Variants in NCOA1 observed in about 807,000 individuals in gnomAD.
NCOA1 encodes nuclear receptor coactivator 1.
NCOA1 carries 35 observed loss-of-function variants against 150.9 expected under a neutral mutation model. The observed-to-expected ratio is 0.23, with a 90% CI of 0.18 to 0.31. The LOEUF is 0.31. Among genes scored for constraint, NCOA1 ranks in the 10% least tolerant of loss-of-function variants. The pLI is 1.00. For missense variants in NCOA1, 1,491 were observed against 1,749.3 expected (o/e 0.85, Z 2.63); for synonymous variants, 590 against 630.0 (o/e 0.94, Z 0.95).
At chr2:24,504,856 T>C (rs1412088566) in intron 1 of NCOA1, among the ~76,000 whole-genome samples, 1 of 152,230 alleles carries the variant, frequency 6.6e-6, no homozygotes. Context: ...TAGATACTTT[T>C]GGAGACTTTT....
intron 1 of NCOA1, among the ~76,000 whole-genome samples, chr2:24,496,408 T>C (rs1256215375): frequency 3.3e-5 from 5 of 152,252 alleles, no homozygotes; most frequent in East Asian, 1.9e-4. Context: ...ATCATAGATA[T>C]CTTGCGTCTT....
At chr2:24,532,968 G>GT (rs1203715277) in intron 1 of NCOA1, among the ~76,000 whole-genome samples, 2 of 152,146 alleles carry the variant, frequency 1.3e-5, no homozygotes, top group African/African-American at 2.4e-5. Context: ...CTTCAAAGTA[G>GT]TTTTTTCCAA....
intron 2 of NCOA1, among the ~76,000 whole-genome samples, chr2:24,583,879 A>G (rs1667297069): frequency 6.6e-6 from 1 of 152,192 alleles, no homozygotes; most frequent in East Asian, 1.9e-4. Context: ...ATTGTGGTTA[A>G]TAAAGGCAGG....
intron 2 of NCOA1, among the ~76,000 whole-genome samples, chr2:24,578,090 G>T (rs1293135246): frequency 6.6e-6 from 1 of 151,796 alleles, no homozygotes; most frequent in East Asian, 1.9e-4. Flanking sequence ...AATTTTTTTG[G>T]ATTTTATTTC....
intron 1 of NCOA1, among the ~76,000 whole-genome samples, chr2:24,563,905 GTTC>G (rs1472996033): frequency 6.6e-6 from 1 of 152,154 alleles, no homozygotes; most frequent in Non-Finnish European, 1.5e-5. Flanking sequence ...TTATTACAGA[GTTC>G]TTCTGCTAGG....
intron 21 of NCOA1, among the ~76,000 whole-genome samples, chr2:24,759,733 GTATAT>G (rs975048025): frequency 5.9e-5 from 9 of 151,908 alleles, no homozygotes; most frequent in Non-Finnish European, 1.2e-4. Flanking sequence ...GTATAGAGGT[GTATAT>G]TATATCACCT....
At chr2:24,558,870 A>C (rs1434030363) in intron 1 of NCOA1, among the ~76,000 whole-genome samples, 3 of 152,106 alleles carry the variant, frequency 2.0e-5, no homozygotes, top group Non-Finnish European at 4.4e-5. Flanking sequence ...GGGTAATGCC[A>C]GGGCTTGATC....
At chr2:24,523,247 C>G (rs946043343) in intron 1 of NCOA1, among the ~76,000 whole-genome samples, 2 of 152,086 alleles carry the variant, frequency 1.3e-5, no homozygotes, top group Non-Finnish European at 2.9e-5. Context: ...TTTTTAAAAA[C>G]TGCTAAATAG....
chr2:24,614,585 C>G (rs1396302976), intron 3 of NCOA1, among the ~76,000 whole-genome samples: 1 of 151,870 alleles, frequency 6.6e-6, no homozygotes, highest in Non-Finnish European at 1.5e-5. Context: ...GATCTCTAGC[C>G]CAGCATATTC....
intron 1 of NCOA1, among the ~76,000 whole-genome samples, chr2:24,536,980 G>A (rs142646828): frequency 1.3e-5 from 2 of 152,158 alleles, no homozygotes; most frequent in African/African-American, 4.8e-5. Context: ...AGGGGAGGTT[G>A]GGAGAGGGGG....
intron 3 of NCOA1, among the ~76,000 whole-genome samples, chr2:24,597,124 A>G (rs986333816): frequency 2.0e-5 from 3 of 151,716 alleles, no homozygotes; most frequent in African/African-American, 4.9e-5. Context: ...TGTTTTACCT[A>G]TGGGAAGTGG....
At chr2:24,529,906 ATT>A (rs1316066221) in intron 1 of NCOA1, among the ~76,000 whole-genome samples, 1 of 152,198 alleles carries the variant, frequency 6.6e-6, no homozygotes, top group Non-Finnish European at 1.5e-5. Flanking sequence ...AAATATAGAC[ATT>A]CTTTACTTTT....
At chr2:24,554,152 T>G (rs755794600) in intron 1 of NCOA1, among the ~76,000 whole-genome samples, 7 of 152,190 alleles carry the variant, frequency 4.6e-5, no homozygotes, top group South Asian at 2.1e-4. Flanking sequence ...GAATTAGATT[T>G]GTGTTTCATA....
intron 13 of NCOA1, among the ~76,000 whole-genome samples, chr2:24,709,313 A>G (rs1673617427): frequency 1.3e-5 from 2 of 152,138 alleles, no homozygotes; most frequent in South Asian, 4.1e-4. Flanking sequence ...AGATAATGCC[A>G]GTTTTCCTAG....
intron 2 of NCOA1, among the ~76,000 whole-genome samples, chr2:24,570,720 A>G (rs968374717): frequency 5.3e-5 from 8 of 152,174 alleles, no homozygotes; most frequent in African/African-American, 1.9e-4. Flanking sequence ...CCCGAATGTG[A>G]TCAAGTCTCT....
chr2:24,644,478 T>C (rs1670371463), intron 4 of NCOA1, among the ~76,000 whole-genome samples: 1 of 152,166 alleles, frequency 6.6e-6, no homozygotes, highest in African/African-American at 2.4e-5. Context: ...ACATAATATA[T>C]ACCTATATAA....
Position 24,621,503 on chromosome 2 carries a change from C to T in NCOA1, c.-174-22463C>T, listed in dbSNP as rs768733966. On this transcript the variant is annotated intron_variant, in intron 3 of 22. Transcript: ENST00000348332. ...CCGTCTCAAGGCTGCAGTTTCACTC[C>T]GTCTCAAGGCTGGAGTGCAATGGTG... 4.0e-4 allele frequency among the ~76,000 whole-genome samples: 49 copies of T among 122,236 alleles called. 1 individual carries two copies. In the Admixed American group the frequency reaches 5.3e-3, roughly 13 times the overall value. 80.2% of individuals were successfully genotyped at this position (122,236 alleles called of 152,430 possible).
chr2:24,653,366 T>G (rs545101809), intron 4 of NCOA1, among the ~76,000 whole-genome samples: 257 of 152,306 alleles, frequency 1.7e-3, no homozygotes, highest in Non-Finnish European at 3.1e-3. Flanking sequence ...GAAGGCAGTT[T>G]GCTGTTTTTT....
At chr2:24,536,574 C>T (rs1368711430) in intron 1 of NCOA1, among the ~76,000 whole-genome samples, 1 of 152,152 alleles carries the variant, frequency 6.6e-6, no homozygotes, top group African/African-American at 2.4e-5. Context: ...TGGTTTCTCC[C>T]CATCTTTGTG....
Sources: allele counts gnomAD v4.1 joint callset (sites outside exome capture counted in the v4.1 genomes callset), GRCh38; gene constraint gnomAD v4.1.1; transcripts MANE v1.5; gene names NCBI Gene and HGNC (gene_info 2026-07-23, HGNC 2026-07-21).